Variants in TM9SF3 observed in about 807,000 individuals in gnomAD.
The protein encoded by TM9SF3 is transmembrane 9 superfamily member 3.
TM9SF3 carries 14 observed loss-of-function variants against 78.6 expected under a neutral mutation model. The ratio of observed to expected loss-of-function variants is 0.18; its 90% CI spans 0.12 to 0.28. The LOEUF is 0.28. Ranked by LOEUF, TM9SF3 falls within the 10% of genes least tolerant of loss-of-function variation. The probability of loss-of-function intolerance (pLI) is 1.00; values close to 1 mark genes in which losing one functional copy is unlikely to be tolerated. For synonymous variants in TM9SF3, 231 were observed against 241.7 expected (o/e 0.96, Z 0.41); for missense variants, 496 against 721.9 (o/e 0.69, Z 3.59).
At chr10:96,526,966 T>A (rs1249902119) in intron 14 of TM9SF3, among the ~76,000 whole-genome samples, 1 of 152,014 alleles carries the variant, frequency 6.6e-6, no homozygotes, top group African/African-American at 2.4e-5. Flanking sequence ...ATTCTCAACA[T>A]GAATGAAAAA....
intron 2 of TM9SF3, among the ~76,000 whole-genome samples, chr10:96,569,051 G>A (rs898566545): frequency 7.9e-5 from 12 of 152,150 alleles, no homozygotes; most frequent in African/African-American, 2.7e-4. Context: ...AGCCAGGCAT[G>A]GTGGTGTGTG....
At chr10:96,574,354 C>A (rs987259028) in intron 2 of TM9SF3, among the ~76,000 whole-genome samples, 7 of 152,082 alleles carry the variant, frequency 4.6e-5, no homozygotes, top group African/African-American at 1.4e-4. Context: ...TAGAGAAATG[C>A]GAATCAAAAC....
intron 6 of TM9SF3, among the ~76,000 whole-genome samples, chr10:96,552,593 C>G (rs1848186548): frequency 1.3e-5 from 2 of 152,166 alleles, no homozygotes; most frequent in African/African-American, 4.8e-5. Flanking sequence ...ATTAATCCTT[C>G]TACCCATTCC....
At chr10:96,564,114 C>A (rs1208537542) in intron 3 of TM9SF3, among the ~76,000 whole-genome samples, 1 of 146,998 alleles carries the variant, frequency 6.8e-6, no homozygotes, top group African/African-American at 2.6e-5. Context: ...GACATCTTGT[C>A]TCTACAAACA....
chr10:96,536,137 G>A lies in TM9SF3; in HGVS notation c.1186-2947C>T, dbSNP rs532546629. On this transcript the variant is annotated intron_variant, in intron 9 of 14. Coordinates refer to ENST00000371142, the MANE Select transcript of TM9SF3 (RefSeq NM_020123.4). ...AATTAAAAGAAAAAAAACTTGCAGCGAACTACAAATAGAAGGGAACTTTAA... is the reference window on the plus strand; with the variant it reads ...AATTAAAAGAAAAAAAACTTGCAGCAAACTACAAATAGAAGGGAACTTTAA... Among the ~76,000 whole-genome samples, 25 of 151,684 alleles carry A rather than the reference G, an allele frequency of 1.6e-4. No individual in the cohort carries two copies. The East Asian group carries it at 2.7e-3, about 16-fold the overall frequency.
intron 2 of TM9SF3, among the ~76,000 whole-genome samples, chr10:96,572,031 G>T (rs1589462252): frequency 6.6e-6 from 1 of 152,168 alleles, no homozygotes. Context: ...ACAGCTAAGG[G>T]TGCAATGGTG....
chr10:96,541,663 GAGCC>G (rs1358205463), intron 9 of TM9SF3, among the ~76,000 whole-genome samples: 1 of 152,206 alleles, frequency 6.6e-6, no homozygotes, highest in Non-Finnish European at 1.5e-5. Context: ...TTACAGGCGT[GAGCC>G]ATCATGCCCA....
chr10:96,570,259 T>A (rs1381023986), intron 2 of TM9SF3, among the ~76,000 whole-genome samples: 1 of 152,210 alleles, frequency 6.6e-6, no homozygotes, highest in African/African-American at 2.4e-5. Context: ...AATAAATATA[T>A]GTAGAATGAA....
intron 14 of TM9SF3, among the ~76,000 whole-genome samples, chr10:96,524,592 T>C (rs1342134568): frequency 1.3e-5 from 2 of 151,888 alleles, no homozygotes; most frequent in African/African-American, 2.4e-5. Context: ...CATGACTTTA[T>C]AAAAAGAGAA....
intron 9 of TM9SF3, among the ~76,000 whole-genome samples, chr10:96,540,225 T>C (rs1026833657): frequency 6.6e-6 from 1 of 152,230 alleles, no homozygotes; most frequent in Non-Finnish European, 1.5e-5. Context: ...ATCTTTTGAA[T>C]AGGTCAGAAT....
At chr10:96,584,336 A>G (rs1217512809) in intron 1 of TM9SF3, among the ~76,000 whole-genome samples, 1 of 152,248 alleles carries the variant, frequency 6.6e-6, no homozygotes, top group East Asian at 1.9e-4. Flanking sequence ...TTTCGGTACT[A>G]CTATCTGGCT....
chr10:96,553,134 C>T (rs10736113), intron 5 of TM9SF3, 75 bp from the exon 6 acceptor site: 1,215,992 of 1,412,674 alleles, frequency 0.86, 524,019 homozygotes, highest in East Asian at 0.99. Context: ...TGAGGACAAC[C>T]GGATGTTAAT....
intron 5 of TM9SF3, among the ~76,000 whole-genome samples, chr10:96,559,211 C>T (rs1262575849): frequency 2.6e-5 from 4 of 152,158 alleles, no homozygotes; most frequent in African/African-American, 9.7e-5. Context: ...TGTATAAGGG[C>T]AAGTGCCCAT....
At chr10:96,560,058 T>C (rs17392013) in intron 4 of TM9SF3, 69,707 of 578,386 alleles carry the variant, frequency 0.12, 4,786 homozygotes, top group Non-Finnish European at 0.15. Flanking sequence ...CACAAGTGTC[T>C]AAATCAATTA....
chr10:96,545,540 T>G (rs1848087182), intron 8 of TM9SF3, among the ~76,000 whole-genome samples: 1 of 152,174 alleles, frequency 6.6e-6, no homozygotes. Flanking sequence ...TCCAACACCT[T>G]TCTAGCATTT....
intron 3 of TM9SF3, 141 bp from the exon 4 acceptor site, chr10:96,562,279 T>C (rs1283295831): frequency 6.1e-6 from 4 of 657,304 alleles, no homozygotes; most frequent in Non-Finnish European, 7.5e-6. Context: ...TGACTCTCCC[T>C]TCACCTTCTG....
chr10:96,522,736 A>C (rs1318721533), intron 14 of TM9SF3, among the ~76,000 whole-genome samples: 1 of 151,922 alleles, frequency 6.6e-6, no homozygotes, highest in African/African-American at 2.4e-5. Flanking sequence ...CCAATAGATA[A>C]ATAGTTAGAA....
At chr10:96,543,602 T>C (rs1321848843) in intron 9 of TM9SF3, 1 of 152,070 alleles carries the variant, frequency 6.6e-6, no homozygotes, top group African/African-American at 2.4e-5. Flanking sequence ...CCTCCCAAAG[T>C]GCTGGGATTA....
Position 96,521,629 on chromosome 10 carries a change from G to A in TM9SF3, c.*634C>T, listed in dbSNP as rs980529630. On this transcript the variant is annotated 3_prime_UTR_variant, in exon 15 of 15. Coordinates refer to ENST00000371142, the MANE Select transcript of TM9SF3 (RefSeq NM_020123.4). Reference sequence around the variant, plus strand: ...TGTATAGTTTTAAGATAAATAAATGGGAAGTTGGTCCAACTAAGATGACAG... The same window carrying A: ...TGTATAGTTTTAAGATAAATAAATGAGAAGTTGGTCCAACTAAGATGACAG... 6.6e-6 allele frequency: 1 copy of A among 151,478 alleles called. No homozygotes were observed. Among genetic ancestry groups the A allele is most frequent in the African/African-American group, 2.4e-5 (1 of 41,212 alleles). 9.4% of individuals were successfully genotyped at this position (151,478 alleles called of 1,614,324 possible). A position where few individuals can be genotyped will look rare whatever the true frequency, so the allele number is the denominator to read the frequency against.
Sources: allele counts gnomAD v4.1 joint callset (sites outside exome capture counted in the v4.1 genomes callset), GRCh38; gene constraint gnomAD v4.1.1; transcripts MANE v1.5; gene names NCBI Gene and HGNC (gene_info 2026-07-23, HGNC 2026-07-21).